The following DNAH11 variants were observed in gnomAD, a reference collection of about 807,000 sequenced individuals.
DNAH11 encodes the protein axonemal beta dynein heavy chain 11.
DNAH11 carries 442 observed loss-of-function variants against 526.0 expected under a neutral mutation model. The ratio of observed to expected loss-of-function variants is 0.84; its 90% CI spans 0.78 to 0.91. The LOEUF (loss-of-function observed/expected upper bound fraction) is 0.91, where lower values mean the gene tolerates loss of function less well. Among genes scored for constraint, DNAH11 ranks in the 40% least tolerant of loss-of-function variants. The pLI is 0.00. For missense variants in DNAH11, 6,989 were observed against 5,448.7 expected (o/e 1.28, Z -8.90); for synonymous variants, 2,461 against 1,935.9 (o/e 1.27, Z -7.12).
chr7:21,703,737 G>C (rs935520970), intron 37 of DNAH11: 11 of 152,000 alleles, frequency 7.2e-5, no homozygotes, highest in African/African-American at 2.7e-4. Flanking sequence ...TGTGCAATAT[G>C]ACTTGGGAAA....
At chr7:21,597,350 A>G (rs929088848) in intron 14 of DNAH11, among the ~76,000 whole-genome samples, 1 of 152,150 alleles carries the variant, frequency 6.6e-6, no homozygotes, top group Non-Finnish European at 1.5e-5. Flanking sequence ...TCAGCTATTA[A>G]CTTCCTACTA....
intron 30 of DNAH11, among the ~76,000 whole-genome samples, chr7:21,661,446 T>G (rs1039956681): frequency 6.6e-6 from 1 of 151,878 alleles, no homozygotes; most frequent in Non-Finnish European, 1.5e-5. Context: ...AAGTTGATAG[T>G]TTTTTTTAAT....
chr7:21,880,004 G>A (rs2128041884), intron 74 of DNAH11, among the ~76,000 whole-genome samples: 1 of 149,822 alleles, frequency 6.7e-6, no homozygotes, highest in South Asian at 2.1e-4. Context: ...AGAATTACTT[G>A]AACCCAGGAG....
rs747508696 is a variant in DNAH11, at chr7:21,861,867, G to C, written c.11217G>C (p.Leu3739=). ...AAATTTCCCAGGCTTTTAACGTGCT[G>C]TTCCACAGAGCGATCGAGCAGGCTG... is the stretch of plus-strand genomic sequence containing the variant. ...YQFSLKAFNV[L]FHRAIEQADK... The change falls in exon 69 of 82, where the codon CTG becomes CTC. Residue 3739 remains leucine, a synonymous_variant. Transcript: ENST00000409508. The C allele has an allele frequency of 1.9e-6, 3 of 1,612,482 alleles. No homozygotes were observed. The highest frequency in any genetic ancestry group is 2.5e-6 in the Non-Finnish European group (3 of 1,179,414).
Position 21,786,611 on chromosome 7 carries a change from T to C in DNAH11, c.9598-13T>C, listed in dbSNP as rs375470912. On this transcript the variant is annotated splice_polypyrimidine_tract_variant and intron_variant, in intron 58 of 81. Transcript: ENST00000409508. ...TCCTGTCTGTGTACGTGTTTCTGTG[T>C]GCTTTTCTTCAGGTCAACCTCAGTG... The C allele has an allele frequency of 6.2e-7, 1 of 1,606,280 alleles. No individual in the cohort carries two copies. Among genetic ancestry groups the C allele is most frequent in the African/African-American group, 1.3e-5 (1 of 74,792 alleles).
chr7:21,789,456 C>T (rs965897514), intron 61 of DNAH11, 114 bp downstream of exon 61: 20 of 635,408 alleles, frequency 3.1e-5, no homozygotes, highest in Non-Finnish European at 4.6e-5. Context: ...GAAAGGAATT[C>T]GATCTTCCAT....
At chr7:21,547,278 C>G (rs181061877) in intron 2 of DNAH11, among the ~76,000 whole-genome samples, 1 of 152,204 alleles carries the variant, frequency 6.6e-6, no homozygotes, top group Non-Finnish European at 1.5e-5. Flanking sequence ...ATGACACAGA[C>G]ATTAAGTTTT....
At chr7:21,786,571 C>G in intron 58 of DNAH11, 53 bp from the exon 59 acceptor site, 1 of 1,536,746 alleles carries the variant, frequency 6.5e-7, no homozygotes, top group Non-Finnish European at 8.8e-7. Flanking sequence ...CAGAGCTTCT[C>G]CAGACTTCCG....
intron 65 of DNAH11, among the ~76,000 whole-genome samples, chr7:21,837,237 G>A (rs1366890265): frequency 1.3e-5 from 2 of 152,154 alleles, no homozygotes. Context: ...CTACTATGAT[G>A]TATCAAAAGG....
At chr7:21,738,669 G>C (rs1309497042) in intron 46 of DNAH11, 32 bp from the exon 47 acceptor site, 1 of 1,528,526 alleles carries the variant, frequency 6.5e-7, no homozygotes, top group Admixed American at 2.2e-5. Context: ...ACATTCTGTT[G>C]ATGGGTGGAC....
At chr7:21,650,929 C>T (rs191979599) in intron 28 of DNAH11, among the ~76,000 whole-genome samples, 4 of 148,956 alleles carry the variant, frequency 2.7e-5, no homozygotes, top group East Asian at 4.0e-4. Context: ...CGTAAGCCAC[C>T]GTGCCGGGCC....
intron 32 of DNAH11, among the ~76,000 whole-genome samples, chr7:21,684,686 A>G (rs1192951533): frequency 6.6e-6 from 1 of 152,230 alleles, no homozygotes; most frequent in Non-Finnish European, 1.5e-5. Flanking sequence ...TTTCAGGGAT[A>G]GAAAGAAAGC....
chr7:21,553,705 CT>C (rs1783108648), intron 2 of DNAH11, among the ~76,000 whole-genome samples: 1 of 152,148 alleles, frequency 6.6e-6, no homozygotes, highest in South Asian at 2.1e-4. Flanking sequence ...TGTATTTCAC[CT>C]CTTTCTTTGT....
At chr7:21,812,851 C>A (rs1407330334) in intron 63 of DNAH11, among the ~76,000 whole-genome samples, 1 of 152,102 alleles carries the variant, frequency 6.6e-6, no homozygotes, top group Non-Finnish European at 1.5e-5. Context: ...AGGGCCAGGC[C>A]TGTTGGCAGC....
rs950980673 is a variant in DNAH11 at position 21,661,746 on chromosome 7, A to G, written c.5328+2715A>G. 2.6e-5 allele frequency among the ~76,000 whole-genome samples: 4 copies of G among 152,162 alleles called. No homozygotes were observed. In the East Asian group the frequency reaches 7.7e-4, roughly 29 times the overall value. On this transcript the variant is annotated intron_variant, in intron 30 of 81. Coordinates refer to ENST00000409508, the MANE Select transcript of DNAH11 (RefSeq NM_001277115.2). ...AGCTACTCTATGCCTTAGTTTTATC[A>G]TCTGCAAAACACGGACAATGACAGT...
chr7:21,867,916 A>C lies in DNAH11; in HGVS notation c.11748A>C (p.Leu3916Phe), dbSNP rs1783344479. 1.3e-6 allele frequency: 2 copies of C among 1,581,270 alleles called. No homozygotes were observed. The highest frequency in any genetic ancestry group is 3.6e-5 in the Admixed American group (2 of 55,350). ...ATGTGGAGAGGACCAGATTGGACTT[A>C]GTTAAAGCATTCGAAGAAAGCAGCC... ...AKYVERTRLD[L>F]VKAFEESSPA... The change falls in exon 72 of 82, where the codon TTA becomes TTC. Residue 3916 changes from leucine (L) to phenylalanine (F), a missense_variant. Transcript: ENST00000409508.
At chr7:21,862,719 C>T (rs963700759) in intron 69 of DNAH11, among the ~76,000 whole-genome samples, 1 of 152,170 alleles carries the variant, frequency 6.6e-6, no homozygotes, top group Non-Finnish European at 1.5e-5. Flanking sequence ...CCCACACCTT[C>T]AGTGAAACCT....
chr7:21,823,872 G>T (rs1307786311), intron 65 of DNAH11, among the ~76,000 whole-genome samples: 1 of 152,114 alleles, frequency 6.6e-6, no homozygotes, highest in Non-Finnish European at 1.5e-5. Flanking sequence ...GAGAGACAAG[G>T]AACACCAAAG....
intron 73 of DNAH11, among the ~76,000 whole-genome samples, chr7:21,872,520 C>T (rs78452109): frequency 0.064 from 9,751 of 152,176 alleles, 496 homozygotes; most frequent in African/African-American, 0.13. Context: ...AGGACTTCTC[C>T]AAAGCCAGAG....
Sources: allele counts gnomAD v4.1 joint callset (sites outside exome capture counted in the v4.1 genomes callset), GRCh38; gene constraint gnomAD v4.1.1; transcripts MANE v1.5; gene names NCBI Gene and HGNC (gene_info 2026-07-23, HGNC 2026-07-21).